The following SCAMP2 variants were observed in gnomAD, a reference collection of about 807,000 sequenced individuals.
SCAMP2 encodes the protein secretory carrier membrane protein 2.
A neutral mutation model predicts 44.1 loss-of-function variants in SCAMP2; 25 were observed. The observed-to-expected ratio is 0.57, with a 90% confidence interval of 0.41 to 0.79. The LOEUF is 0.79. Ranked by LOEUF, SCAMP2 falls within the 30% of genes least tolerant of loss-of-function variation. The pLI, the probability that SCAMP2 is intolerant of heterozygous loss-of-function variation, is 0.00. For missense variants in SCAMP2, 355 were observed against 411.0 expected (o/e 0.86, Z 1.18); for synonymous variants, 156 against 166.0 (o/e 0.94, Z 0.46).
At position 74,856,927 on chromosome 15, in the gene SCAMP2, T is replaced by G. The variant is rs75415114; in HGVS notation, c.58-2278A>C. 3.8e-4 allele frequency among the ~76,000 whole-genome samples: 58 copies of G among 152,272 alleles called. No individual in the cohort carries two copies. The East Asian group carries it at 7.9e-3, about 21-fold the overall frequency. ...CAATTGTTAAATACAATGCTAATATTAGACATAGCCACAGAGTGACCCCCT... is the reference window on the plus strand; with the variant it reads ...CAATTGTTAAATACAATGCTAATATGAGACATAGCCACAGAGTGACCCCCT... On this transcript the variant is annotated intron_variant, in intron 1 of 8. Coordinates refer to ENST00000268099, the MANE Select transcript of SCAMP2 (RefSeq NM_005697.5).
chr15:74,870,608 G>T (rs184363888), intron 1 of SCAMP2, among the ~76,000 whole-genome samples: 1 of 152,144 alleles, frequency 6.6e-6, no homozygotes, highest in African/African-American at 2.4e-5. Context: ...ATGACTGTTT[G>T]CCTTACATAA....
intron 1 of SCAMP2, among the ~76,000 whole-genome samples, chr15:74,858,836 G>A (rs1221680658): frequency 4.6e-5 from 6 of 130,798 alleles, no homozygotes; most frequent in Middle Eastern, 3.8e-3. Flanking sequence ...TTTTTGAGAC[G>A]GAGTCTTGCT....
At chr15:74,871,759 A>G (rs553876969) in intron 1 of SCAMP2, among the ~76,000 whole-genome samples, 10 of 149,566 alleles carry the variant, frequency 6.7e-5, no homozygotes, top group African/African-American at 2.5e-4. Context: ...TCTCAAAAAA[A>G]AGAGGCCAGG....
At position 74,851,434 on chromosome 15, in the gene SCAMP2, G is replaced by A; in HGVS notation, c.391C>T (p.Pro131Ser). The change falls in exon 5 of 9, where the codon CCC becomes TCC. Residue 131 changes from proline (P) to serine (S), a missense_variant. Coordinates refer to ENST00000268099, the MANE Select transcript of SCAMP2 (RefSeq NM_005697.5). Reference sequence around the variant, plus strand: ...GTGGAGAAATCCTGATAGAAGCAGGGCTTCACAGGGCACCACGAGGGCAGA... The same window carrying A: ...GTGGAGAAATCCTGATAGAAGCAGGACTTCACAGGGCACCACGAGGGCAGA... ...PPLPSWCPVKPCFYQDFSTEI... is the reference protein window; with the variant it reads ...PPLPSWCPVKSCFYQDFSTEI... 1 of 1,614,006 alleles carries A rather than the reference G, an allele frequency of 6.2e-7. No individual in the cohort carries two copies. The highest frequency in any genetic ancestry group is 8.5e-7 in the Non-Finnish European group (1 of 1,179,898).
chr15:74,855,800 G>C (rs370181475), intron 1 of SCAMP2, among the ~76,000 whole-genome samples: 1 of 151,782 alleles, frequency 6.6e-6, no homozygotes, highest in Non-Finnish European at 1.5e-5. Context: ...TTATTAAATC[G>C]GGCACACTTG....
At chr15:74,868,425 A>C (rs182644819) in intron 1 of SCAMP2, among the ~76,000 whole-genome samples, 94 of 152,344 alleles carry the variant, frequency 6.2e-4, no homozygotes, top group African/African-American at 2.1e-3. Context: ...CTGAGCAGAA[A>C]ACAGATTCCA....
chr15:74,861,769 C>T (rs61364523), intron 1 of SCAMP2, among the ~76,000 whole-genome samples: 2,981 of 151,750 alleles, frequency 0.02, 54 homozygotes, highest in East Asian at 0.069. Flanking sequence ...GGCGTGGTGG[C>T]GGGCGCCTGT....
chr15:74,855,748 G>A (rs2064465076), intron 1 of SCAMP2, among the ~76,000 whole-genome samples: 1 of 146,948 alleles, frequency 6.8e-6, no homozygotes, highest in South Asian at 2.2e-4. Context: ...AGTAGTCTAA[G>A]TTTCTAGAAC....
In SCAMP2 at chr15:74,844,055, A is replaced by G. The variant is rs926403306; in HGVS notation, c.*1028T>C. The G allele has an allele frequency of 2.0e-5, 3 of 152,152 alleles. No individual in the cohort carries two copies. Among genetic ancestry groups the G allele is most frequent in the Non-Finnish European group, 2.9e-5 (2 of 68,128 alleles). 9.4% of individuals were successfully genotyped at this position (152,152 alleles called of 1,614,324 possible). On this transcript the variant is annotated 3_prime_UTR_variant, in exon 9 of 9. Transcript: ENST00000268099. Reference sequence around the variant, plus strand: ...ACTGGGTATTAGGGGGCCCTCCGAGAGATGGCTTATCAGTCCCTGCTGAGG... The same window carrying G: ...ACTGGGTATTAGGGGGCCCTCCGAGGGATGGCTTATCAGTCCCTGCTGAGG...
At chr15:74,860,405 T>C (rs564379652) in intron 1 of SCAMP2, among the ~76,000 whole-genome samples, 45 of 150,578 alleles carry the variant, frequency 3.0e-4, no homozygotes, top group African/African-American at 9.2e-4. Flanking sequence ...AATACAAAAA[T>C]TGGCCAGGCG....
rs2064511462 is a variant in SCAMP2, at chr15:74,862,288, A to T, written c.58-7639T>A. On this transcript the variant is annotated intron_variant, in intron 1 of 8. Transcript: ENST00000268099. ...CAAAAAAAAAAAAAAAAAAAAAAAA[A>T]ATTCCTGGCCAGGTGCAATGGCTCA... Among the ~76,000 whole-genome samples, 2 of 121,438 alleles carry T rather than the reference A, an allele frequency of 1.6e-5. 1 individual carries two copies. The highest frequency in any genetic ancestry group is 1.1e-4 in the African/African-American group (2 of 18,754). The allele number at this position is 121,438 out of a possible 152,430, so 79.7% of individuals were successfully genotyped here.
intron 1 of SCAMP2, among the ~76,000 whole-genome samples, chr15:74,866,018 A>AAGGAAG (rs2064541238): frequency 1.9e-5 from 1 of 52,790 alleles, no homozygotes; most frequent in African/African-American, 8.0e-5. Context: ...AAGGAAGGAA[A>AAGGAAG]GGAGGGAGGG....
At chr15:74,853,527 C>T (rs1157543660) in intron 3 of SCAMP2, 2 of 449,744 alleles carry the variant, frequency 4.4e-6, no homozygotes, top group South Asian at 3.1e-5. Flanking sequence ...ATGGGTCACG[C>T]TCATAGGGGC....
intron 6 of SCAMP2, among the ~76,000 whole-genome samples, chr15:74,850,001 C>T (rs2064425068): frequency 6.6e-6 from 1 of 152,138 alleles, no homozygotes; most frequent in African/African-American, 2.4e-5. Context: ...GCTCCCAGCC[C>T]TGAAAGCATA....
intron 7 of SCAMP2, among the ~76,000 whole-genome samples, chr15:74,847,036 G>A (rs1039501725): frequency 6.6e-6 from 1 of 150,576 alleles, no homozygotes; most frequent in Non-Finnish European, 1.5e-5. Context: ...ATAGATCAAT[G>A]GAATAGAACT....
rs117176879 is a variant in SCAMP2, at chr15:74,859,389, G to A, written c.58-4740C>T. ...CCCCTGAAGGGGTGCTGGGGACCAC[G>A]GCAAGGTGCAGAGCAAAAAACAGGA... On this transcript the variant is annotated intron_variant, in intron 1 of 8. Coordinates refer to ENST00000268099, the MANE Select transcript of SCAMP2 (RefSeq NM_005697.5). Among the ~76,000 whole-genome samples, 442 of 152,218 alleles carry A rather than the reference G, an allele frequency of 2.9e-3. No homozygotes were observed. In the East Asian group the frequency reaches 0.054, roughly 19 times the overall value.
rs1274452258 is a variant in SCAMP2, at chr15:74,845,567, A to G, written c.761T>C (p.Leu254Pro). ...DSGWIAALST[L>P]DNHSLAISVI... ...TGATATGGCCAGGGAATGATTATCC[A>G]GTGTAGACAGGGCTGCAATCCAACC... Residue 254 changes from leucine (L) to proline (P), a missense_variant, in exon 8 of 9, where the codon CTG (leucine) becomes CCG (proline). Coordinates refer to ENST00000268099, the MANE Select transcript of SCAMP2 (RefSeq NM_005697.5). 2 of 1,614,028 alleles carry G rather than the reference A, an allele frequency of 1.2e-6. No homozygotes were observed. Among genetic ancestry groups the G allele is most frequent in the Non-Finnish European group, 1.7e-6 (2 of 1,180,022 alleles).
intron 7 of SCAMP2, among the ~76,000 whole-genome samples, chr15:74,848,199 C>T (rs1410490231): frequency 2.0e-5 from 3 of 151,986 alleles, no homozygotes; most frequent in African/African-American, 4.8e-5. Flanking sequence ...TCCCAAGTAC[C>T]TGGGACTATA....
At position 74,850,673 on chromosome 15, in the gene SCAMP2, A is replaced by G. The variant is rs772711128; in HGVS notation, c.473T>C (p.Leu158Ser). The G allele has an allele frequency of 6.2e-7, 1 of 1,613,794 alleles. No homozygotes were observed. The highest frequency in any genetic ancestry group is 8.5e-7 in the Non-Finnish European group (1 of 1,179,930). ...GTTCAGAAACAGAGTCACTGAATGC[A>G]CTGGGGAAGGGGACAGGACAGAGTT... ...ICKMLYYLWMLHSVTLFLNLL... is the reference protein window; with the variant it reads ...ICKMLYYLWMSHSVTLFLNLL... The change falls in exon 6 of 9, where the codon TTG becomes TCG. Residue 158 changes from leucine to serine, a missense_variant and splice_region_variant. Coordinates refer to ENST00000268099, the MANE Select transcript of SCAMP2 (RefSeq NM_005697.5).
Sources: gnomAD v4.1 joint callset for allele counts (sites outside exome capture counted in the v4.1 genomes callset) on GRCh38, gnomAD v4.1.1 for gene constraint, MANE v1.5 for transcripts, NCBI Gene and HGNC (gene_info 2026-07-23, HGNC 2026-07-21) for gene names.